The following NREP variants were observed in gnomAD, a reference collection of about 807,000 sequenced individuals.
The protein encoded by NREP is neuronal regeneration-related protein.
Under a neutral mutation model 8.6 loss-of-function variants are expected in NREP, and 5 were observed. The observed-to-expected ratio is 0.58, with a 90% CI of 0.30 to 1.22. NREP has a LOEUF of 1.22. Among genes scored for constraint, NREP ranks in the 50% most tolerant of loss-of-function variants. The pLI is 0.07. For missense variants in NREP, 86 were observed against 82.5 expected (o/e 1.04, Z -0.17); for synonymous variants, 27 against 28.0 (o/e 0.96, Z 0.11).
intron 2 of NREP, among the ~76,000 whole-genome samples, chr5:111,753,457 T>C (rs1193994777): frequency 1.3e-5 from 2 of 150,800 alleles, no homozygotes; most frequent in Admixed American, 6.6e-5. Flanking sequence ...CTCCACATTA[T>C]TGTTGTAAAA....
Position 111,744,153 on chromosome 5 carries a change from T to G in NREP, c.4-8646A>C, listed in dbSNP as rs1749853820. Reference sequence around the variant, plus strand: ...AAGTCTGCATTTTCCCCCGAAGTGCTCATTCCAAAAGAAACTATTCACTCT... The same window carrying G: ...AAGTCTGCATTTTCCCCCGAAGTGCGCATTCCAAAAGAAACTATTCACTCT... On this transcript the variant is annotated intron_variant, in intron 2 of 3. Transcript: ENST00000257435. Among the ~76,000 whole-genome samples the G allele has an allele frequency of 2.0e-5, 3 of 152,130 alleles. No individual in the cohort carries two copies. In the South Asian group the frequency reaches 6.2e-4, roughly 32 times the overall value.
chr5:111,844,210 G>A (rs1753102065), intron 2 of NREP, among the ~76,000 whole-genome samples: 1 of 152,036 alleles, frequency 6.6e-6, no homozygotes, highest in South Asian at 2.1e-4. Flanking sequence ...TATAAAATGT[G>A]TAAAATTAAT....
chr5:111,973,266 A>T (rs79710854), intron 2 of NREP, among the ~76,000 whole-genome samples: 28 of 890 alleles, frequency 0.031, no homozygotes, highest in African/African-American at 0.065. Flanking sequence ...ACCCCCTTTT[A>T]AAAAAAAAAT....
At chr5:111,871,506 A>T (rs1483673031) in intron 2 of NREP, among the ~76,000 whole-genome samples, 1 of 152,166 alleles carries the variant, frequency 6.6e-6, no homozygotes, top group African/African-American at 2.4e-5. Flanking sequence ...TATATTTTTT[A>T]AAATAGTTTT....
intron 3 of NREP, among the ~76,000 whole-genome samples, chr5:111,731,389 G>A (rs1748548509): frequency 6.7e-6 from 1 of 150,100 alleles, no homozygotes; most frequent in African/African-American, 2.5e-5. Flanking sequence ...CCTTAGACTG[G>A]GTGATTGATA....
intron 2 of NREP, among the ~76,000 whole-genome samples, chr5:111,866,604 A>G (rs1753669712): frequency 6.6e-6 from 1 of 152,176 alleles, no homozygotes; most frequent in African/African-American, 2.4e-5. Flanking sequence ...TCAGGGATCT[A>G]GAACTAGAAA....
chr5:111,890,102 C>T (rs535139484), intron 2 of NREP, among the ~76,000 whole-genome samples: 20 of 152,136 alleles, frequency 1.3e-4, no homozygotes, highest in Admixed American at 5.2e-4. Flanking sequence ...CTCAGAGACC[C>T]GACAGGTACA....
rs34538408 is a variant in NREP, at chr5:111,770,554, CTTTTTTTTTTTTTTT to C, written c.136-35062_136-35048del. On this transcript the variant is annotated intron_variant, in intron 2 of 3. Transcript: ENST00000395634. Reference sequence around the variant, plus strand: ...TTATTTGGTAAAGAAGAATTATTTCCTTTTTTTTTTTTTTTTTTTTTTTTTTTTTTGAGACAGAGT... The same window carrying C: ...TTATTTGGTAAAGAAGAATTATTTCCTTTTTTTTTTTTTTTGAGACAGAGT... Among the ~76,000 whole-genome samples, 4 of 73,582 alleles carry C rather than the reference CTTTTTTTTTTTTTTT, an allele frequency of 5.4e-5. No individual in the cohort carries two copies. The South Asian group carries it at 1.5e-3, about 27-fold the overall frequency. 48.3% of individuals were successfully genotyped at this position (73,582 alleles called of 152,430 possible).
intron 2 of NREP, among the ~76,000 whole-genome samples, chr5:111,753,734 C>A (rs1446713462): frequency 6.6e-6 from 1 of 152,064 alleles, no homozygotes; most frequent in African/African-American, 2.4e-5. Context: ...TCACTAGAAG[C>A]AGTTTCTACT....
chr5:111,764,315 C>T (rs1455110299), intron 2 of NREP, among the ~76,000 whole-genome samples: 1 of 152,178 alleles, frequency 6.6e-6, no homozygotes, highest in Non-Finnish European at 1.5e-5. Context: ...CTGTATTATT[C>T]TGTTTTCATG....
chr5:111,867,754 TGTATGCCCCCTTTAATA>T (rs1447638128), intron 2 of NREP, among the ~76,000 whole-genome samples: 3 of 152,162 alleles, frequency 2.0e-5, no homozygotes, highest in African/African-American at 7.2e-5. Context: ...TATCTGATGC[TGTATGCCCCCTTTAATA>T]GTAAGTACAC....
rs1754210397 is a variant in NREP at position 111,885,267 on chromosome 5, AG to A, written c.135+90006del. Among the ~76,000 whole-genome samples the A allele has an allele frequency of 4.0e-5, 6 of 151,642 alleles. No individual in the cohort carries two copies. The South Asian group carries it at 1.3e-3, about 32-fold the overall frequency. On this transcript the variant is annotated intron_variant, in intron 2 of 3. Coordinates refer to the NREP transcript ENST00000395634. ...AAAATACCTAGGAATCCAACTTACA[AG>A]GGATGTGAAGGACCTCTTCAAGGAG...
chr5:111,856,901 C>G (rs377733023), intron 2 of NREP, among the ~76,000 whole-genome samples: 1 of 152,114 alleles, frequency 6.6e-6, no homozygotes, highest in South Asian at 2.1e-4. Flanking sequence ...TTTCAACATG[C>G]AGTTGTCGTC....
intron 2 of NREP, among the ~76,000 whole-genome samples, chr5:111,961,083 T>G (rs975787411): frequency 6.6e-6 from 1 of 152,270 alleles, no homozygotes; most frequent in Admixed American, 6.5e-5. Flanking sequence ...AACATTTATC[T>G]TAACCCTTCC....
chr5:111,882,038 C>T (rs538541955), intron 2 of NREP, among the ~76,000 whole-genome samples: 11 of 152,158 alleles, frequency 7.2e-5, no homozygotes, highest in African/African-American at 2.4e-4. Context: ...CTCCGAGCTA[C>T]AGGAGGAAAT....
intron 2 of NREP, among the ~76,000 whole-genome samples, chr5:111,779,753 C>A (rs1751449273): frequency 6.6e-6 from 1 of 152,164 alleles, no homozygotes. Context: ...CAATCCATTT[C>A]TGAAAGTTTA....
chr5:111,833,789 G>A (rs139632653), intron 2 of NREP, among the ~76,000 whole-genome samples: 285 of 152,304 alleles, frequency 1.9e-3, no homozygotes, highest in African/African-American at 6.1e-3. Flanking sequence ...TAGAAGCCAA[G>A]GCAATATAGA....
At chr5:111,813,336 A>G (rs1406369044) in intron 2 of NREP, among the ~76,000 whole-genome samples, 1 of 152,152 alleles carries the variant, frequency 6.6e-6, no homozygotes, top group Non-Finnish European at 1.5e-5. Context: ...AATAATCTTA[A>G]TAACACTTAT....
At chr5:111,920,617 G>A (rs1481448713) in intron 2 of NREP, among the ~76,000 whole-genome samples, 1 of 152,134 alleles carries the variant, frequency 6.6e-6, no homozygotes, top group Non-Finnish European at 1.5e-5. Context: ...CCATTTTACA[G>A]TGAAATGTAA....
Sources: allele counts gnomAD v4.1 joint callset (sites outside exome capture counted in the v4.1 genomes callset), GRCh38; gene constraint gnomAD v4.1.1; transcripts MANE v1.5; gene names NCBI Gene and HGNC (gene_info 2026-07-23, HGNC 2026-07-21).